MECOM: variants seen among roughly 807,000 people sequenced by gnomAD.
MECOM encodes histone-lysine N-methyltransferase MECOM.
MECOM carries 13 observed loss-of-function variants against 116.3 expected under a neutral mutation model. That is an observed-to-expected ratio of 0.11 (90% CI 0.07 to 0.18). MECOM has a LOEUF of 0.18. Ranked by LOEUF, MECOM falls within the 10% of genes least tolerant of loss-of-function variation. The pLI is 1.00. For synonymous variants in MECOM, 528 were observed against 535.2 expected (o/e 0.99, Z 0.19); for missense variants, 1,299 against 1,509.0 (o/e 0.86, Z 2.31).
intron 9 of MECOM, among the ~76,000 whole-genome samples, chr3:169,110,193 C>A (rs928129680): frequency 2.0e-5 from 3 of 152,092 alleles, no homozygotes; most frequent in Non-Finnish European, 4.4e-5. Context: ...TTGATCTGTG[C>A]CCCCCTTACT....
At chr3:169,225,890 G>A (rs1012963657) in intron 2 of MECOM, among the ~76,000 whole-genome samples, 1 of 152,212 alleles carries the variant, frequency 6.6e-6, no homozygotes, top group Non-Finnish European at 1.5e-5. Context: ...TTACAGGCGT[G>A]AGCCACCATG....
At chr3:169,085,276 C>T (rs907001374) in intron 16 of MECOM, among the ~76,000 whole-genome samples, 3 of 152,154 alleles carry the variant, frequency 2.0e-5, no homozygotes, top group South Asian at 2.1e-4. Flanking sequence ...AAGAACTATC[C>T]TACCTAAAAT....
chr3:169,570,101 A>G (rs1185109056), intron 1 of MECOM, among the ~76,000 whole-genome samples: 2 of 152,230 alleles, frequency 1.3e-5, no homozygotes, highest in African/African-American at 4.8e-5. Context: ...AGACTAATAA[A>G]GCAGAAAAGA....
chr3:169,384,979 C>A (rs76970530), intron 1 of MECOM, among the ~76,000 whole-genome samples: 3,898 of 151,792 alleles, frequency 0.026, 114 homozygotes, highest in African/African-American at 0.07. Flanking sequence ...TGGTGCATGC[C>A]TGTAGTCCCA....
chr3:169,493,627 T>A (rs1753411077), intron 1 of MECOM, among the ~76,000 whole-genome samples: 1 of 152,146 alleles, frequency 6.6e-6, no homozygotes, highest in Admixed American at 6.5e-5. Context: ...ATATACTGGG[T>A]AACTGAAGTT....
chr3:169,140,895 C>T (rs1274297570), intron 3 of MECOM, among the ~76,000 whole-genome samples: 1 of 151,950 alleles, frequency 6.6e-6, no homozygotes, highest in Non-Finnish European at 1.5e-5. Flanking sequence ...TCTAGAACTT[C>T]TTCACCCACA....
chr3:169,122,902 G>A (rs1731520524), intron 5 of MECOM, among the ~76,000 whole-genome samples, 175 bp from the exon 6 acceptor site: 1 of 152,008 alleles, frequency 6.6e-6, no homozygotes, highest in Non-Finnish European at 1.5e-5. Context: ...TATATTTCCT[G>A]GACTGTGTCT....
chr3:169,311,655 A>G (rs968552751), intron 2 of MECOM, among the ~76,000 whole-genome samples: 13 of 151,270 alleles, frequency 8.6e-5, no homozygotes, highest in Admixed American at 2.7e-4. Flanking sequence ...AGCCTTAAAG[A>G]AAAAAAGTGT....
At chr3:169,087,918 A>C (rs1197052309) in intron 16 of MECOM, among the ~76,000 whole-genome samples, 1 of 152,172 alleles carries the variant, frequency 6.6e-6, no homozygotes, top group Non-Finnish European at 1.5e-5. Context: ...GGCTGCTTTA[A>C]CTTCAGTTGA....
chr3:169,483,201 TA>T (rs372592455), intron 1 of MECOM, among the ~76,000 whole-genome samples: 26,824 of 120,410 alleles, frequency 0.22, 2,702 homozygotes, highest in African/African-American at 0.25. Context: ...TTTTTATTTT[TA>T]TTTTTTTTTT....
intron 1 of MECOM, among the ~76,000 whole-genome samples, chr3:169,643,417 C>G (rs1038501666): frequency 1.3e-5 from 2 of 152,166 alleles, no homozygotes; most frequent in Non-Finnish European, 2.9e-5. Context: ...ATGTGCTGCA[C>G]CTTGCACATC....
chr3:169,466,343 A>G (rs1441776275), intron 1 of MECOM, among the ~76,000 whole-genome samples: 1 of 152,090 alleles, frequency 6.6e-6, no homozygotes, highest in Admixed American at 6.6e-5. Flanking sequence ...TGTGATGATG[A>G]CTCCCAGTGA....
chr3:169,622,335 GC>G (rs892556214), intron 1 of MECOM, among the ~76,000 whole-genome samples: 3 of 152,048 alleles, frequency 2.0e-5, no homozygotes, highest in African/African-American at 7.2e-5. Flanking sequence ...CAGGTGATCT[GC>G]CCCCCTAGGC....
chr3:169,264,003 C>T (rs1757957673), intron 2 of MECOM, among the ~76,000 whole-genome samples: 1 of 151,706 alleles, frequency 6.6e-6, no homozygotes, highest in Non-Finnish European at 1.5e-5. Flanking sequence ...AACAATGATG[C>T]TAATTAGTAG....
intron 1 of MECOM, among the ~76,000 whole-genome samples, chr3:169,482,328 CT>C (rs768771100): frequency 0.026 from 2,863 of 108,294 alleles, 36 homozygotes; most frequent in Admixed American, 0.069. Context: ...AACCCACGTT[CT>C]TTTTTTTTTT....
intron 8 of MECOM, among the ~76,000 whole-genome samples, chr3:169,113,383 A>G (rs1473253008): frequency 6.6e-6 from 1 of 151,114 alleles, no homozygotes; most frequent in East Asian, 1.9e-4. Flanking sequence ...CTCTCAATAT[A>G]TATTTATATT....
intron 2 of MECOM, among the ~76,000 whole-genome samples, chr3:169,261,571 G>T (rs1231549478): frequency 1.3e-5 from 2 of 151,934 alleles, no homozygotes; most frequent in Non-Finnish European, 2.9e-5. Context: ...CATGGTGGCG[G>T]GCACCTGTAA....
intron 1 of MECOM, among the ~76,000 whole-genome samples, chr3:169,621,070 C>T (rs1202674876): frequency 1.3e-5 from 2 of 152,160 alleles, no homozygotes; most frequent in Admixed American, 6.5e-5. Flanking sequence ...ATTTCCCTTG[C>T]AGCTTAGAAA....
At chr3:169,229,088 G>T (rs1287560992) in intron 2 of MECOM, among the ~76,000 whole-genome samples, 1 of 152,106 alleles carries the variant, frequency 6.6e-6, no homozygotes, top group Non-Finnish European at 1.5e-5. Flanking sequence ...TGGAAACACT[G>T]GTTCTGGCTT....
Sources: allele counts gnomAD v4.1 joint callset (sites outside exome capture counted in the v4.1 genomes callset), GRCh38; gene constraint gnomAD v4.1.1; transcripts MANE v1.5; gene names NCBI Gene and HGNC (gene_info 2026-07-23, HGNC 2026-07-21).